Variants in DPYS observed in about 807,000 individuals in gnomAD.
DPYS encodes dihydropyrimidinase.
A neutral mutation model predicts 50.3 loss-of-function variants in DPYS; 39 were observed. The ratio of observed to expected loss-of-function variants is 0.78; its 90% CI spans 0.60 to 1.01. DPYS has a LOEUF of 1.01. DPYS is among the 50% of genes least tolerant of loss of function. DPYS has a pLI of 0.00. For missense variants in DPYS, 659 were observed against 680.9 expected (o/e 0.97, Z 0.36); for synonymous variants, 245 against 250.7 (o/e 0.98, Z 0.22).
chr8:104,408,135 T>C (rs1383785471), intron 7 of DPYS, among the ~76,000 whole-genome samples: 1 of 152,290 alleles, frequency 6.6e-6, no homozygotes, highest in Admixed American at 6.5e-5. Context: ...ACCCTAGCCA[T>C]GCTATTTCTG....
intron 7 of DPYS, 87 bp from the exon 8 acceptor site, chr8:104,393,078 A>G: frequency 2.3e-6 from 3 of 1,280,416 alleles, no homozygotes; most frequent in Non-Finnish European, 3.3e-6. Flanking sequence ...ATGACTTAGA[A>G]GAAAACTTAG....
At chr8:104,393,016 A>T (rs1163397889) in intron 7 of DPYS, 25 bp from the exon 8 acceptor site, 2 of 1,607,636 alleles carry the variant, frequency 1.2e-6, no homozygotes, top group Non-Finnish European at 8.5e-7. Flanking sequence ...ACAACAAAAA[A>T]GTTCTGGATC....
chr8:104,445,587 G>A (rs986358771), intron 3 of DPYS, among the ~76,000 whole-genome samples: 4 of 151,912 alleles, frequency 2.6e-5, no homozygotes, highest in Non-Finnish European at 5.9e-5. Flanking sequence ...AACTCATGGA[G>A]ATACAGAATA....
At chr8:104,409,498 T>A (rs1812103922) in intron 7 of DPYS, among the ~76,000 whole-genome samples, 1 of 151,876 alleles carries the variant, frequency 6.6e-6, no homozygotes. Context: ...AAATAAAATT[T>A]AAAAAATCTT....
At chr8:104,466,128 C>T (rs987098283) in intron 1 of DPYS, among the ~76,000 whole-genome samples, 2 of 152,130 alleles carry the variant, frequency 1.3e-5, no homozygotes, top group African/African-American at 4.8e-5. Flanking sequence ...CCTACTCAGA[C>T]ACATTACCTG....
At chr8:104,447,951 A>G (rs1384147019) in intron 2 of DPYS, among the ~76,000 whole-genome samples, 1 of 152,200 alleles carries the variant, frequency 6.6e-6, no homozygotes, top group Admixed American at 6.5e-5. Flanking sequence ...GAGAAAGTAG[A>G]AGATGCAGAT....
intron 7 of DPYS, among the ~76,000 whole-genome samples, chr8:104,416,065 C>A (rs779841526): frequency 6.6e-6 from 1 of 152,042 alleles, no homozygotes; most frequent in Non-Finnish European, 1.5e-5. Context: ...GCCCATTTTG[C>A]AAATAAAAAA....
chr8:104,461,120 CAAA>C (rs367619842), intron 1 of DPYS, among the ~76,000 whole-genome samples: 1 of 112,418 alleles, frequency 8.9e-6, no homozygotes, highest in Non-Finnish European at 1.8e-5. Context: ...CCTGTCTCTA[CAAA>C]AAAAAAAAAA....
intron 1 of DPYS, among the ~76,000 whole-genome samples, chr8:104,461,998 G>C (rs572117893): frequency 6.6e-6 from 1 of 152,070 alleles, no homozygotes; most frequent in Non-Finnish European, 1.5e-5. Context: ...TAAAATTATA[G>C]GTGATTTAAA....
At position 104,381,269 on chromosome 8, in the gene DPYS, C is replaced by G; in HGVS notation, c.1489G>C (p.Val497Leu). The G allele has an allele frequency of 6.2e-7, 1 of 1,614,178 alleles. No homozygotes were observed. The highest frequency in any genetic ancestry group is 1.1e-5 in the South Asian group (1 of 91,082). Residue 497 changes from valine to leucine, a missense_variant, in exon 9 of 10, where the codon GTC becomes CTC. Transcript: ENST00000351513. ...GTCACTCTGGATTTCAGTGTGGCGACTTCTCCCTTATAGGGTGCACGCTCC... is the reference window on the plus strand; with the variant it reads ...GTCACTCTGGATTTCAGTGTGGCGAGTTCTCCCTTATAGGGTGCACGCTCC... The part of the protein sequence containing the change: ...PVERAPYKGE[V>L]ATLKSRVTKE...
At chr8:104,386,406 G>A (rs756844062) in intron 8 of DPYS, among the ~76,000 whole-genome samples, 8 of 151,662 alleles carry the variant, frequency 5.3e-5, no homozygotes, top group Non-Finnish European at 8.8e-5. Flanking sequence ...GGTGGCCTAC[G>A]CCTGTAGTCC....
At chr8:104,451,469 T>C (rs1813740544) in intron 1 of DPYS, 65 bp from the exon 2 acceptor site, 10 of 1,601,442 alleles carry the variant, frequency 6.2e-6, no homozygotes, top group Non-Finnish European at 8.5e-6. Flanking sequence ...TTTATCATCT[T>C]GAACAATGTG....
At chr8:104,450,097 GA>G (rs1813679801) in intron 2 of DPYS, among the ~76,000 whole-genome samples, 1 of 129,470 alleles carries the variant, frequency 7.7e-6, no homozygotes, top group South Asian at 2.6e-4. Context: ...AGGAGAATAG[GA>G]AAATGAAGAG....
chr8:104,444,713 A>G (rs1364949892), intron 3 of DPYS, among the ~76,000 whole-genome samples: 2 of 152,012 alleles, frequency 1.3e-5, no homozygotes, highest in Non-Finnish European at 2.9e-5. Context: ...TTTTTTATTG[A>G]AAAGGGGAAA....
intron 8 of DPYS, among the ~76,000 whole-genome samples, chr8:104,381,852 T>TCACACACACA (rs59581374): frequency 0.03 from 3,764 of 123,874 alleles, 93 homozygotes; most frequent in Middle Eastern, 0.053. Flanking sequence ...AGTTTTGAAA[T>TCACACACACA]CACACACACA....
At chr8:104,398,492 C>T (rs1012791943) in intron 7 of DPYS, among the ~76,000 whole-genome samples, 37 of 152,336 alleles carry the variant, frequency 2.4e-4, no homozygotes, top group African/African-American at 8.4e-4. Flanking sequence ...TGATACATTC[C>T]CTTTTTGTTT....
At chr8:104,393,146 A>G (rs1285460835) in intron 7 of DPYS, among the ~76,000 whole-genome samples, 155 bp from the exon 8 acceptor site, 2 of 152,246 alleles carry the variant, frequency 1.3e-5, no homozygotes, top group African/African-American at 4.8e-5. Context: ...AATAGAACAT[A>G]ACATTAACAT....
intron 7 of DPYS, among the ~76,000 whole-genome samples, chr8:104,394,739 G>A (rs1196549202): frequency 1.3e-5 from 2 of 150,672 alleles, no homozygotes; most frequent in Admixed American, 6.7e-5. Context: ...CCAAATAGCT[G>A]TAAAAAAGCA....
intron 1 of DPYS, among the ~76,000 whole-genome samples, chr8:104,453,745 A>G (rs1813834608): frequency 6.6e-6 from 1 of 152,256 alleles, no homozygotes; most frequent in South Asian, 2.1e-4. Flanking sequence ...GCACATGAAT[A>G]TTCACAGCAG....
Sources: gnomAD v4.1 joint callset for allele counts (sites outside exome capture counted in the v4.1 genomes callset) on GRCh38, gnomAD v4.1.1 for gene constraint, MANE v1.5 for transcripts, NCBI Gene and HGNC (gene_info 2026-07-23, HGNC 2026-07-21) for gene names.